The following CUBN variants were observed in gnomAD, a reference collection of about 807,000 sequenced individuals.
CUBN encodes cubilin, also known as 460 kDa receptor.
Under a neutral mutation model 405.3 loss-of-function variants are expected in CUBN, and 282 were observed. The observed-to-expected ratio is 0.70, with a 90% CI of 0.63 to 0.77. CUBN has a LOEUF of 0.77. Ranked by LOEUF, CUBN falls within the 30% of genes least tolerant of loss-of-function variation. The probability of loss-of-function intolerance (pLI) is 0.00; values close to 1 mark genes in which losing one functional copy is unlikely to be tolerated. For synonymous variants in CUBN, 1,684 were observed against 1,617.0 expected (o/e 1.04, Z -0.99); for missense variants, 4,514 against 4,475.2 (o/e 1.01, Z -0.25).
At chr10:16,937,479 G>T in intron 39 of CUBN, 113 bp downstream of exon 39, 1 of 820,660 alleles carries the variant, frequency 1.2e-6, no homozygotes, top group Non-Finnish European at 2.0e-6. Context: ...ATGGTGGAAG[G>T]GCTTTGGGGC....
At chr10:16,968,654 A>C (rs193076945) in intron 31 of CUBN, among the ~76,000 whole-genome samples, 241 of 152,356 alleles carry the variant, frequency 1.6e-3, no homozygotes, top group Non-Finnish European at 3.0e-3. Context: ...AGCTACAAGC[A>C]GCCTTTCTAG....
intron 15 of CUBN, among the ~76,000 whole-genome samples, chr10:17,086,117 C>T (rs1468518384): frequency 2.0e-5 from 3 of 152,070 alleles, no homozygotes; most frequent in Admixed American, 1.3e-4. Flanking sequence ...AGGCACCTGC[C>T]ACCACGCCCA....
chr10:16,983,663 A>C lies in CUBN; in HGVS notation c.4525+442T>G, dbSNP rs187019813. Reference sequence around the variant, plus strand: ...GATTTTTGCTATAGTTTAAAAATATACAATAGGCAATTTATTTAGACTGCC... The same window carrying C: ...GATTTTTGCTATAGTTTAAAAATATCCAATAGGCAATTTATTTAGACTGCC... On this transcript the variant is annotated intron_variant, in intron 30 of 66. Coordinates refer to ENST00000377833, the MANE Select transcript of CUBN (RefSeq NM_001081.4). Among the ~76,000 whole-genome samples, 193 of 152,354 alleles carry C rather than the reference A, an allele frequency of 1.3e-3. 1 individual carries two copies. Among genetic ancestry groups the C allele is most frequent in the African/African-American group, 4.4e-3 (182 of 41,582 alleles).
chr10:17,008,588 G>T (rs770563008), intron 28 of CUBN, among the ~76,000 whole-genome samples: 5 of 151,842 alleles, frequency 3.3e-5, no homozygotes, highest in Admixed American at 1.3e-4. Flanking sequence ...TCCTATCACA[G>T]GGTCTTTCTT....
intron 57 of CUBN, 83 bp from the exon 58 acceptor site, chr10:16,874,586 T>G: frequency 6.5e-7 from 1 of 1,534,186 alleles, no homozygotes; most frequent in African/African-American, 1.4e-5. Flanking sequence ...TCTATACTAT[T>G]GTACATTTTT....
At chr10:16,924,053 A>G (rs1441133537) in intron 43 of CUBN, among the ~76,000 whole-genome samples, 2 of 152,210 alleles carry the variant, frequency 1.3e-5, no homozygotes, top group African/African-American at 2.4e-5. Flanking sequence ...CCTGGGCGAC[A>G]GAGAGACCCT....
chr10:17,002,459 T>TC (rs1833920072), intron 28 of CUBN, among the ~76,000 whole-genome samples: 2 of 151,874 alleles, frequency 1.3e-5, no homozygotes, highest in South Asian at 2.1e-4. Flanking sequence ...AGGGTTATTT[T>TC]TTTTTCTTTT....
chr10:17,013,306 CTCTG>C (rs1248234306), intron 28 of CUBN, among the ~76,000 whole-genome samples: 2 of 151,800 alleles, frequency 1.3e-5, no homozygotes, highest in East Asian at 3.9e-4. Context: ...CTCTTTCTCT[CTCTG>C]TCTCTCTGTC....
chr10:16,875,397 G>A (rs1047887967), intron 57 of CUBN, among the ~76,000 whole-genome samples: 8 of 152,154 alleles, frequency 5.3e-5, no homozygotes, highest in Admixed American at 2.0e-4. Context: ...TGGGGTTAAC[G>A]CATTTTGAAG....
intron 14 of CUBN, among the ~76,000 whole-genome samples, chr10:17,091,687 C>T (rs1236612785): frequency 6.6e-6 from 1 of 152,130 alleles, no homozygotes; most frequent in Admixed American, 6.6e-5. Context: ...AACACTCTGA[C>T]CAATGTTAAC....
chr10:17,050,689 C>T (rs1443403254), intron 22 of CUBN, among the ~76,000 whole-genome samples: 1 of 152,090 alleles, frequency 6.6e-6, no homozygotes, highest in Non-Finnish European at 1.5e-5. Flanking sequence ...ACACCTCAGG[C>T]ATTCAAATGA....
At chr10:17,076,889 G>A (rs939947646) in intron 17 of CUBN, among the ~76,000 whole-genome samples, 6 of 152,172 alleles carry the variant, frequency 3.9e-5, no homozygotes, top group Non-Finnish European at 5.9e-5. Context: ...GAATAAACAC[G>A]TTATTGAAAG....
At chr10:16,988,311 C>T (rs535551894) in intron 29 of CUBN, among the ~76,000 whole-genome samples, 5 of 152,266 alleles carry the variant, frequency 3.3e-5, no homozygotes, top group African/African-American at 7.2e-5. Context: ...TCCTTGCAGG[C>T]GAGCGAGGCC....
At chr10:17,089,703 T>C (rs1396336484) in intron 14 of CUBN, among the ~76,000 whole-genome samples, 1 of 152,174 alleles carries the variant, frequency 6.6e-6, no homozygotes, top group African/African-American at 2.4e-5. Context: ...AGCAAAAACC[T>C]ATGCATTTCA....
chr10:16,829,655 G>A lies in CUBN; in HGVS notation c.10529-615C>T, dbSNP rs12261733. On this transcript the variant is annotated intron_variant, in intron 65 of 66. Transcript: ENST00000377833. ...TGTATATGAAGGCTGTCATGATTTAGACTATATATCTGTGGAGATCCAGGT... is the reference window on the plus strand; with the variant it reads ...TGTATATGAAGGCTGTCATGATTTAAACTATATATCTGTGGAGATCCAGGT... Among the ~76,000 whole-genome samples the A allele has an allele frequency of 1.2e-4, 19 of 152,292 alleles. 1 individual carries two copies. The highest frequency in any genetic ancestry group is 3.8e-4 in the African/African-American group (16 of 41,560).
intron 56 of CUBN, 124 bp from the exon 57 acceptor site, chr10:16,877,221 G>C: frequency 2.3e-6 from 2 of 868,372 alleles, no homozygotes; most frequent in Non-Finnish European, 3.7e-6. Flanking sequence ...AATGAGAAAC[G>C]AGATATTTAA....
chr10:17,089,213 T>C (rs1330825743), intron 14 of CUBN, among the ~76,000 whole-genome samples: 2 of 152,080 alleles, frequency 1.3e-5, no homozygotes, highest in Admixed American at 1.3e-4. Context: ...CCTGCCAAAG[T>C]AAAAAATGAA....
intron 17 of CUBN, among the ~76,000 whole-genome samples, chr10:17,083,561 A>C (rs1313092089): frequency 6.6e-5 from 10 of 151,474 alleles, no homozygotes; most frequent in Non-Finnish European, 2.9e-5. Flanking sequence ...CTGTAGTGCT[A>C]TGGTCAATGC....
chr10:16,951,613 A>T (rs538611652), intron 33 of CUBN, among the ~76,000 whole-genome samples: 2 of 152,254 alleles, frequency 1.3e-5, no homozygotes, highest in East Asian at 3.9e-4. Context: ...GCATTTCCTG[A>T]TGTTCTCTGT....
Sources: gnomAD v4.1 joint callset for allele counts (sites outside exome capture counted in the v4.1 genomes callset) on GRCh38, gnomAD v4.1.1 for gene constraint, MANE v1.5 for transcripts, NCBI Gene and HGNC (gene_info 2026-07-23, HGNC 2026-07-21) for gene names.